Variants in ZNF483 observed in about 807,000 individuals in gnomAD.
ZNF483 encodes zinc finger protein HIT-10.
A neutral mutation model predicts 28.6 loss-of-function variants in ZNF483; 9 were observed. That is an observed-to-expected ratio of 0.32 (90% CI 0.19 to 0.55). The LOEUF is 0.55. ZNF483 is among the 20% of genes least tolerant of loss of function. The pLI, the probability that ZNF483 is intolerant of heterozygous loss-of-function variation, is 0.93. For missense variants in ZNF483, 675 were observed against 871.7 expected, an observed-to-expected ratio of 0.77 and a Z score of 2.84; for synonymous variants, 322 against 306.2, an observed-to-expected ratio of 1.05 and a Z score of -0.54.
At chr9:111,567,228 A>G (rs1191461664) in intron 5 of ZNF483, among the ~76,000 whole-genome samples, 1 of 152,190 alleles carries the variant, frequency 6.6e-6, no homozygotes, top group Non-Finnish European at 1.5e-5. Flanking sequence ...GTACTCTGTC[A>G]CTGTGCTGGA....
In ZNF483 at chr9:111,553,368, T is replaced by C. The variant is rs142331093; in HGVS notation, c.*10198T>C. Among the ~76,000 whole-genome samples the C allele has an allele frequency of 1.3e-5, 2 of 152,310 alleles. No homozygotes were observed. The highest frequency in any genetic ancestry group is 2.1e-4 in the South Asian group (1 of 4,828). Reference sequence around the variant, plus strand: ...TATGCCTTTGTTTAAAATTTAAATATTTTTTCATTTTTTTAACCTAGAAAA... The same window carrying C: ...TATGCCTTTGTTTAAAATTTAAATACTTTTTCATTTTTTTAACCTAGAAAA... On this transcript the variant is annotated 3_prime_UTR_variant, in exon 6 of 6. Coordinates refer to ENST00000309235, the MANE Select transcript of ZNF483 (RefSeq NM_133464.5).
chr9:111,540,958 A>C (rs1827656583), intron 5 of ZNF483, among the ~76,000 whole-genome samples: 1 of 152,188 alleles, frequency 6.6e-6, no homozygotes. Context: ...GATTAAATGC[A>C]GTGTATTGTA....
At chr9:111,533,674 A>G (rs1416028441) in intron 3 of ZNF483, 65 bp from the exon 4 acceptor site, 4 of 1,479,792 alleles carry the variant, frequency 2.7e-6, no homozygotes, top group African/African-American at 2.9e-5. Context: ...CCTGTCTCAA[A>G]AAAAAAAAGT....
intron 5 of ZNF483, among the ~76,000 whole-genome samples, chr9:111,535,780 C>T (rs917236981): frequency 1.3e-5 from 2 of 151,836 alleles, no homozygotes; most frequent in Non-Finnish European, 2.9e-5. Context: ...CTCCTGACCT[C>T]GTGATCTTCC....
rs1827154503 is a variant in ZNF483, at chr9:111,525,204, G to A, written c.-187G>A. ...AGGCTTGCGCGCGCACTCGCTGCGG[G>A]ACAAGCTTCTGGAAGCTCTTTGCGG... On this transcript the variant is annotated 5_prime_UTR_variant, in exon 1 of 6. Coordinates refer to ENST00000309235, the MANE Select transcript of ZNF483 (RefSeq NM_133464.5). The A allele has an allele frequency of 6.6e-6, 1 of 152,330 alleles. No homozygotes were observed. The highest frequency in any genetic ancestry group is 1.5e-5 in the Non-Finnish European group (1 of 68,090). The allele number at this position is 152,330 out of a possible 1,614,324, so 9.4% of individuals were successfully genotyped here.
At chr9:111,530,997 G>A in intron 3 of ZNF483, 34 bp downstream of exon 3, 1 of 1,121,706 alleles carries the variant, frequency 8.9e-7, no homozygotes, top group Admixed American at 2.0e-5. Flanking sequence ...ATTCCTAAGT[G>A]AATACTTAAT....
Position 111,569,987 on chromosome 9 carries a change from C to T in ZNF483, c.722-6378C>T, listed in dbSNP as rs548736777. 7.1e-5 allele frequency: 109 copies of T among 1,544,530 alleles called. No homozygotes were observed. In the East Asian group the frequency reaches 8.5e-4, roughly 12 times the overall value. On this transcript the variant is annotated intron_variant, in intron 5 of 5. Coordinates refer to the ZNF483 transcript ENST00000358151. ...CAATGACCCAATAGGGAAAAACTGA[C>T]GATGCGGCAGAGATGGGGAAGAATT...
rs1828052776 is a variant in ZNF483, at chr9:111,554,163, A to G, written c.*10993A>G. Reference sequence around the variant, plus strand: ...ACTACAACTATTGACATCACAAACTACTACTATTATGTTATTGGAACTAAC... The same window carrying G: ...ACTACAACTATTGACATCACAAACTGCTACTATTATGTTATTGGAACTAAC... On this transcript the variant is annotated 3_prime_UTR_variant, in exon 6 of 6. Coordinates refer to ENST00000309235, the MANE Select transcript of ZNF483 (RefSeq NM_133464.5). Among the ~76,000 whole-genome samples the G allele has an allele frequency of 6.6e-6, 1 of 152,166 alleles. No homozygotes were observed. Among genetic ancestry groups the G allele is most frequent in the Non-Finnish European group, 1.5e-5 (1 of 68,028 alleles).
At chr9:111,536,148 C>T (rs890838983) in intron 5 of ZNF483, among the ~76,000 whole-genome samples, 12 of 151,206 alleles carry the variant, frequency 7.9e-5, no homozygotes, top group Non-Finnish European at 1.3e-4. Flanking sequence ...GCCTTGGCCT[C>T]TCAAAGTACT....
At chr9:111,565,484 G>A (rs750068323) in intron 5 of ZNF483, among the ~76,000 whole-genome samples, 8 of 152,176 alleles carry the variant, frequency 5.3e-5, no homozygotes, top group Non-Finnish European at 8.8e-5. Context: ...GGAGCTCTCT[G>A]TACTATCTTC....
chr9:111,560,718 C>T (rs570211225), intron 5 of ZNF483, among the ~76,000 whole-genome samples: 45 of 147,206 alleles, frequency 3.1e-4, no homozygotes, highest in African/African-American at 1.1e-3. Context: ...CCGAGGTGGC[C>T]GGATCACAAG....
At chr9:111,570,734 GTGCCACCGCAC>G (rs745749753) in intron 5 of ZNF483, among the ~76,000 whole-genome samples, 4 of 152,048 alleles carry the variant, frequency 2.6e-5, no homozygotes, top group Non-Finnish European at 4.4e-5. Flanking sequence ...AGCCAAGATC[GTGCCACCGCAC>G]TCCAGTCTGG....
Position 111,545,489 on chromosome 9 carries a change from A to G in ZNF483, c.*2319A>G, listed in dbSNP as rs1292968802. Among the ~76,000 whole-genome samples, 4 of 152,174 alleles carry G rather than the reference A, an allele frequency of 2.6e-5. No individual in the cohort carries two copies. Among genetic ancestry groups the G allele is most frequent in the Non-Finnish European group, 4.4e-5 (3 of 68,028 alleles). On this transcript the variant is annotated 3_prime_UTR_variant, in exon 6 of 6. Coordinates refer to ENST00000309235, the MANE Select transcript of ZNF483 (RefSeq NM_133464.5). Reference sequence around the variant, plus strand: ...TACAATTCAGTGAGTTTTAGTAAATATGCTGAGTTGTGCAACCATTACCAT... The same window carrying G: ...TACAATTCAGTGAGTTTTAGTAAATGTGCTGAGTTGTGCAACCATTACCAT...
chr9:111,531,538 G>A (rs1462339314), intron 3 of ZNF483, among the ~76,000 whole-genome samples: 1 of 151,846 alleles, frequency 6.6e-6, no homozygotes, highest in East Asian at 1.9e-4. Flanking sequence ...CACCATGCCC[G>A]GCTAATTTTT....
At position 111,547,657 on chromosome 9, in the gene ZNF483, A is replaced by G. The variant is rs910743956; in HGVS notation, c.*4487A>G. On this transcript the variant is annotated 3_prime_UTR_variant, in exon 6 of 6. Coordinates refer to ENST00000309235, the MANE Select transcript of ZNF483 (RefSeq NM_133464.5). Reference sequence around the variant, plus strand: ...AAGGTTTTAATTTTGGTGAAGTTTAATTTTTCTATTTTTTCTTTTGTTTCC... The same window carrying G: ...AAGGTTTTAATTTTGGTGAAGTTTAGTTTTTCTATTTTTTCTTTTGTTTCC... Among the ~76,000 whole-genome samples the G allele has an allele frequency of 1.3e-5, 2 of 151,938 alleles. No individual in the cohort carries two copies. Among genetic ancestry groups the G allele is most frequent in the African/African-American group, 2.4e-5 (1 of 41,360 alleles).
At position 111,542,591 on chromosome 9, in the gene ZNF483, A is replaced by G. The variant is rs754852198; in HGVS notation, c.1656A>G (p.Thr552=). Residue 552 remains threonine (T), a synonymous_variant, in exon 6 of 6, where the codon ACA becomes ACG. Transcript: ENST00000309235. This position sits in a 1 kb window ranked among gnomAD's most constrained non-coding sequence, Gnocchi z 6.2. ...QRIHTGEKPY[T]CSNCGKSFSH... is the part of the protein sequence containing the mutation. ...TTCATACTGGAGAAAAACCCTATAC[A>G]TGTAGCAATTGTGGAAAATCCTTCA... 5 of 1,613,946 alleles carry G rather than the reference A, an allele frequency of 3.1e-6. No individual in the cohort carries two copies. Among genetic ancestry groups the G allele is most frequent in the Admixed American group, 3.3e-5 (2 of 59,998 alleles).
At chr9:111,576,315 A>G in intron 5 of ZNF483, 1 of 1,604,890 alleles carries the variant, frequency 6.2e-7, no homozygotes, top group Non-Finnish European at 8.5e-7. Context: ...CTAAAATTTT[A>G]TTTGTAACCT....
rs1196557021 is a variant in ZNF483, at chr9:111,543,317, T to C, written c.*147T>C. 2.4e-5 allele frequency: 34 copies of C among 1,404,576 alleles called. No individual in the cohort carries two copies. The highest frequency in any genetic ancestry group is 3.0e-5 in the Non-Finnish European group (33 of 1,086,320). The allele number at this position is 1,404,576 out of a possible 1,614,324, so 87.0% of individuals were successfully genotyped here. A position where few individuals can be genotyped will look rare whatever the true frequency, so the allele number is the denominator to read the frequency against. ...ATATCCTTTTGCCCATTCATCCCTC[T>C]TCTTTTCAAGGATGGCAACGACTGG... On this transcript the variant is annotated 3_prime_UTR_variant, in exon 6 of 6. Coordinates refer to ENST00000309235, the MANE Select transcript of ZNF483 (RefSeq NM_133464.5).
chr9:111,543,266 C>G lies in ZNF483; in HGVS notation c.*96C>G. Reference sequence around the variant, plus strand: ...TTACAGTATTGATCAGTAGCTGCAGCTTTCGTAAATTGGCAGTTAGGAAAA... The same window carrying G: ...TTACAGTATTGATCAGTAGCTGCAGGTTTCGTAAATTGGCAGTTAGGAAAA... On this transcript the variant is annotated 3_prime_UTR_variant, in exon 6 of 6. Coordinates refer to ENST00000309235, the MANE Select transcript of ZNF483 (RefSeq NM_133464.5). 6.8e-7 allele frequency: 1 copy of G among 1,466,948 alleles called. No homozygotes were observed. The highest frequency in any genetic ancestry group is 9.0e-7 in the Non-Finnish European group (1 of 1,116,104). The allele number at this position is 1,466,948 out of a possible 1,614,324, so 90.9% of individuals were successfully genotyped here.
Sources: gnomAD v4.1 joint callset for allele counts (sites outside exome capture counted in the v4.1 genomes callset) on GRCh38, gnomAD v4.1.1 for gene constraint, Gnocchi (gnomAD v3.1) non-coding constraint, MANE v1.5 for transcripts, NCBI Gene and HGNC (gene_info 2026-07-23, HGNC 2026-07-21) for gene names.